Variants in NKAIN2 observed in about 807,000 individuals in gnomAD.
The protein encoded by NKAIN2 is sodium/potassium-transporting ATPase subunit beta-1-interacting protein 2.
A neutral mutation model predicts 32.6 loss-of-function variants in NKAIN2; 14 were observed. The ratio of observed to expected loss-of-function variants is 0.43; its 90% CI spans 0.28 to 0.67. NKAIN2 has a LOEUF of 0.67. Among genes scored for constraint, NKAIN2 ranks in the 30% least tolerant of loss-of-function variants. NKAIN2 has a pLI of 0.17. For synonymous variants in NKAIN2, 80 were observed against 87.2 expected (o/e 0.92, Z 0.46); for missense variants, 198 against 258.3 (o/e 0.77, Z 1.60).
chr6:124,008,759 G>C (rs1454233369), intron 1 of NKAIN2, among the ~76,000 whole-genome samples: 2 of 152,156 alleles, frequency 1.3e-5, no homozygotes, highest in Non-Finnish European at 2.9e-5. Flanking sequence ...ATAAAGGGCT[G>C]TCTTGGCGAC....
intron 1 of NKAIN2, among the ~76,000 whole-genome samples, chr6:124,017,818 G>A (rs576568307): frequency 3.3e-5 from 5 of 152,072 alleles, no homozygotes; most frequent in Admixed American, 3.3e-4. Flanking sequence ...CTGGCATTTA[G>A]TTTCTGTGGC....
At chr6:124,288,721 A>G (rs1390945413) in intron 2 of NKAIN2, among the ~76,000 whole-genome samples, 1 of 152,184 alleles carries the variant, frequency 6.6e-6, no homozygotes, top group Admixed American at 6.5e-5. Context: ...TTAAATAAGG[A>G]CAAATGATCT....
intron 1 of NKAIN2, among the ~76,000 whole-genome samples, chr6:124,076,462 T>A (rs1199845354): frequency 1.3e-5 from 2 of 152,176 alleles, no homozygotes; most frequent in Non-Finnish European, 2.9e-5. Context: ...AAGGTCTCTA[T>A]TTTGCTAGGC....
At chr6:124,210,180 T>C (rs566896689) in intron 1 of NKAIN2, among the ~76,000 whole-genome samples, 1 of 152,062 alleles carries the variant, frequency 6.6e-6, no homozygotes, top group South Asian at 2.1e-4. Context: ...TATCCAGTTT[T>C]CCTAGCACCA....
At chr6:123,820,603 A>T (rs889477317) in intron 1 of NKAIN2, among the ~76,000 whole-genome samples, 1 of 152,132 alleles carries the variant, frequency 6.6e-6, no homozygotes, top group Non-Finnish European at 1.5e-5. Flanking sequence ...TCAAGCCAGG[A>T]TCTAGGTGGT....
At chr6:123,892,917 C>T (rs73551354) in intron 1 of NKAIN2, among the ~76,000 whole-genome samples, 6,338 of 151,102 alleles carry the variant, frequency 0.042, 436 homozygotes, top group African/African-American at 0.15. Context: ...TCAATCATCA[C>T]GTATTTTTTT....
chr6:124,739,085 G>A (rs574854500), intron 4 of NKAIN2, among the ~76,000 whole-genome samples: 12 of 121,508 alleles, frequency 9.9e-5, no homozygotes, highest in African/African-American at 3.1e-4. Flanking sequence ...AAACAAAATA[G>A]TTAAGCCAAC....
chr6:123,975,682 C>A (rs1778534045), intron 1 of NKAIN2, among the ~76,000 whole-genome samples: 1 of 152,126 alleles, frequency 6.6e-6, no homozygotes, highest in Admixed American at 6.6e-5. Flanking sequence ...GTGGCACCTT[C>A]TTGCTGTGTC....
At chr6:124,184,059 G>A (rs1789586521) in intron 1 of NKAIN2, among the ~76,000 whole-genome samples, 4 of 152,072 alleles carry the variant, frequency 2.6e-5, no homozygotes, top group Admixed American at 2.6e-4. Context: ...GATGCTCACA[G>A]AATGATGAAA....
intron 3 of NKAIN2, among the ~76,000 whole-genome samples, chr6:124,525,387 G>A (rs1026141995): frequency 2.6e-5 from 4 of 151,972 alleles, no homozygotes; most frequent in African/African-American, 9.7e-5. Context: ...TTTTATGAGT[G>A]CAGTACTTGC....
intron 3 of NKAIN2, among the ~76,000 whole-genome samples, chr6:124,480,159 G>A (rs1401663823): frequency 6.6e-6 from 1 of 152,190 alleles, no homozygotes; most frequent in Admixed American, 6.5e-5. Context: ...AATGCCAATT[G>A]AGTTTAAGTG....
intron 1 of NKAIN2, among the ~76,000 whole-genome samples, chr6:124,190,843 C>A (rs547649509): frequency 6.6e-6 from 1 of 152,058 alleles, no homozygotes; most frequent in African/African-American, 2.4e-5. Context: ...TTTTTGAATT[C>A]TTTAGAAAAT....
intron 1 of NKAIN2, among the ~76,000 whole-genome samples, chr6:124,199,389 C>T (rs1790497413): frequency 2.0e-5 from 3 of 152,138 alleles, no homozygotes; most frequent in Non-Finnish European, 4.4e-5. Context: ...GATTTCTCCT[C>T]TGGAATGCAC....
intron 4 of NKAIN2, among the ~76,000 whole-genome samples, chr6:124,670,318 T>G (rs1773035390): frequency 6.6e-6 from 1 of 152,128 alleles, no homozygotes; most frequent in Non-Finnish European, 1.5e-5. Flanking sequence ...TGACTCATTA[T>G]CATCACTCTT....
At chr6:123,974,870 T>A (rs761907422) in intron 1 of NKAIN2, among the ~76,000 whole-genome samples, 8 of 152,208 alleles carry the variant, frequency 5.3e-5, no homozygotes, top group Non-Finnish European at 1.0e-4. Context: ...TTTGTCTTGC[T>A]CCACAGAGAG....
chr6:124,265,905 G>C (rs1007410550), intron 1 of NKAIN2, among the ~76,000 whole-genome samples: 27 of 152,274 alleles, frequency 1.8e-4, no homozygotes, highest in African/African-American at 4.8e-4. Flanking sequence ...CCTTCAAACA[G>C]AAATGTGAAA....
chr6:124,597,391 GTATT>G (rs1377697465), intron 3 of NKAIN2, among the ~76,000 whole-genome samples: 7 of 151,132 alleles, frequency 4.6e-5, no homozygotes, highest in African/African-American at 1.7e-4. Context: ...CTAATATAAA[GTATT>G]AATAAATAAT....
At chr6:124,447,051 T>C (rs1775922377) in intron 3 of NKAIN2, among the ~76,000 whole-genome samples, 1 of 152,118 alleles carries the variant, frequency 6.6e-6, no homozygotes, top group African/African-American at 2.4e-5. Context: ...TTTTTTCTAC[T>C]GCCACTTTCC....
intron 3 of NKAIN2, among the ~76,000 whole-genome samples, chr6:124,640,176 A>G (rs1783931348): frequency 6.6e-6 from 1 of 152,094 alleles, no homozygotes; most frequent in African/African-American, 2.4e-5. Context: ...TGACTATCGA[A>G]AAATGATAAT....
Sources: gnomAD v4.1 joint callset for allele counts (sites outside exome capture counted in the v4.1 genomes callset) on GRCh38, gnomAD v4.1.1 for gene constraint, MANE v1.5 for transcripts, NCBI Gene and HGNC (gene_info 2026-07-23, HGNC 2026-07-21) for gene names.